The following EPHA6 variants were observed in gnomAD, a reference collection of about 807,000 sequenced individuals.
EPHA6 encodes the protein EPH receptor A6.
Under a neutral mutation model 112.0 loss-of-function variants are expected in EPHA6, and 50 were observed. That is an observed-to-expected ratio of 0.45 (90% confidence interval 0.36 to 0.56). EPHA6 has a LOEUF of 0.56. Among genes scored for constraint, EPHA6 ranks in the 20% least tolerant of loss-of-function variants. EPHA6 has a pLI of 0.00. For missense variants in EPHA6, 1,280 were observed against 1,417.4 expected (o/e 0.90, Z 1.56); for synonymous variants, 529 against 490.7 (o/e 1.08, Z -1.03).
intron 3 of EPHA6, among the ~76,000 whole-genome samples, chr3:97,044,743 G>A (rs146842714): frequency 2.0e-4 from 31 of 152,082 alleles, no homozygotes; most frequent in African/African-American, 7.0e-4. Flanking sequence ...ATTTGTATGC[G>A]GGACACCGAC....
intron 6 of EPHA6, among the ~76,000 whole-genome samples, chr3:97,425,452 C>A (rs932084418): frequency 1.3e-5 from 2 of 152,222 alleles, no homozygotes; most frequent in African/African-American, 2.4e-5. Flanking sequence ...AGCCACAACC[C>A]GAGCTTGTAC....
At chr3:97,613,397 A>C (rs9842981) in intron 13 of EPHA6, among the ~76,000 whole-genome samples, 47,949 of 152,022 alleles carry the variant, frequency 0.32, 10,940 homozygotes, top group African/African-American at 0.6. Flanking sequence ...TTCTGTGCTT[A>C]CTGGAAGCAG....
intron 14 of EPHA6, among the ~76,000 whole-genome samples, chr3:97,718,205 G>A (rs373136406): frequency 3.9e-5 from 6 of 152,202 alleles, no homozygotes; most frequent in African/African-American, 1.4e-4. Context: ...CCACAAGACT[G>A]AGGCACTTTA....
At chr3:97,614,505 T>A (rs1420996935) in intron 13 of EPHA6, among the ~76,000 whole-genome samples, 1 of 115,276 alleles carries the variant, frequency 8.7e-6, no homozygotes, top group African/African-American at 4.5e-5. Context: ...CAGCTAATTT[T>A]TTTTTTTTTT....
At chr3:97,572,504 C>A (rs559392256) in intron 11 of EPHA6, among the ~76,000 whole-genome samples, 1 of 152,046 alleles carries the variant, frequency 6.6e-6, no homozygotes, top group East Asian at 1.9e-4. Flanking sequence ...TTGTTTTATG[C>A]TGATATTTTA....
chr3:96,869,647 ATC>A (rs2036523752), intron 2 of EPHA6, among the ~76,000 whole-genome samples: 1 of 152,058 alleles, frequency 6.6e-6, no homozygotes, highest in Non-Finnish European at 1.5e-5. Context: ...GATAGTGCAT[ATC>A]TCTGCATCAG....
At position 97,758,825 on chromosome 3, in the gene EPHA6, A is replaced by G. The variant is rs1289293674; in HGVS notation, c.*10124A>G. Among the ~76,000 whole-genome samples, 2 of 151,854 alleles carry G rather than the reference A, an allele frequency of 1.3e-5. No homozygotes were observed. Among genetic ancestry groups the G allele is most frequent in the African/African-American group, 4.8e-5 (2 of 41,386 alleles). On this transcript the variant is annotated 3_prime_UTR_variant, in exon 18 of 18. Coordinates refer to ENST00000389672, the MANE Select transcript of EPHA6 (RefSeq NM_001080448.3). ...TGAATGAAATTACAAGCAGAGGGGG[A>G]TAGTTAATGAATGAAAATTTGGAGT...
intron 7 of EPHA6, among the ~76,000 whole-genome samples, chr3:97,450,459 G>T (rs573011086): frequency 2.0e-5 from 3 of 152,120 alleles, no homozygotes; most frequent in African/African-American, 7.2e-5. Flanking sequence ...GCATTTTTAA[G>T]TGAGAAATGC....
intron 11 of EPHA6, among the ~76,000 whole-genome samples, chr3:97,588,206 T>A (rs914674698): frequency 2.3e-4 from 35 of 152,114 alleles, no homozygotes; most frequent in African/African-American, 8.0e-4. Flanking sequence ...TCTGTTGGTA[T>A]ACCCCCCTGC....
chr3:97,385,929 C>T (rs2086039062), intron 5 of EPHA6, among the ~76,000 whole-genome samples: 1 of 152,134 alleles, frequency 6.6e-6, no homozygotes, highest in Non-Finnish European at 1.5e-5. Context: ...CCAATCACCT[C>T]CTACCAGGCC....
chr3:97,044,856 T>G (rs893840061), intron 3 of EPHA6, among the ~76,000 whole-genome samples: 12 of 152,060 alleles, frequency 7.9e-5, no homozygotes, highest in African/African-American at 2.9e-4. Context: ...AAAAACTTGG[T>G]CACCAACTTT....
At chr3:97,678,473 T>TA (rs2107675841) in intron 14 of EPHA6, among the ~76,000 whole-genome samples, 1 of 152,232 alleles carries the variant, frequency 6.6e-6, no homozygotes, top group Admixed American at 6.5e-5. Flanking sequence ...AGAGCAGGGA[T>TA]AAAGGGCCAA....
intron 11 of EPHA6, among the ~76,000 whole-genome samples, chr3:97,557,049 GC>G (rs1276659660): frequency 6.6e-6 from 1 of 151,808 alleles, no homozygotes; most frequent in Non-Finnish European, 1.5e-5. Flanking sequence ...TTGAAACTAT[GC>G]TATAATTTAT....
At position 97,320,821 on chromosome 3, in the gene EPHA6, AATAAAAAAAAT is replaced by A. The variant is rs1256954080; in HGVS notation, c.1606+76536_1606+76546del. Among the ~76,000 whole-genome samples, 369 of 141,436 alleles carry A rather than the reference AATAAAAAAAAT, an allele frequency of 2.6e-3. 14 individuals carry two copies. Among genetic ancestry groups the A allele is most frequent in the African/African-American group, 0.01 (351 of 33,612 alleles). 92.8% of individuals were successfully genotyped at this position (141,436 alleles called of 152,430 possible). On this transcript the variant is annotated intron_variant, in intron 5 of 17. Transcript: ENST00000389672. ...CGTTCTGTGTTCTCTGGGGGCAAAAAATAAAAAAAATAAAAAAAAAGGGATGAATTTAATTA... is the reference window on the plus strand; with the variant it reads ...CGTTCTGTGTTCTCTGGGGGCAAAAAAAAAAAAAAGGGATGAATTTAATTA...
chr3:97,627,464 A>C (rs1326314273), intron 13 of EPHA6, among the ~76,000 whole-genome samples: 1 of 151,976 alleles, frequency 6.6e-6, no homozygotes, highest in Admixed American at 6.6e-5. Context: ...AATAAAGTGG[A>C]TACCTGAGAG....
At chr3:97,511,741 A>G (rs1414088813) in intron 10 of EPHA6, among the ~76,000 whole-genome samples, 1 of 152,232 alleles carries the variant, frequency 6.6e-6, no homozygotes, top group East Asian at 1.9e-4. Flanking sequence ...ATAGTAATGA[A>G]CAATAAGCAC....
intron 12 of EPHA6, among the ~76,000 whole-genome samples, chr3:97,610,256 CT>C (rs1351041132): frequency 2.0e-5 from 3 of 151,534 alleles, no homozygotes; most frequent in Non-Finnish European, 4.4e-5. Flanking sequence ...TAAAATTTTT[CT>C]GCTTAAAGGC....
chr3:97,527,754 T>C (rs1424186042), intron 10 of EPHA6, among the ~76,000 whole-genome samples: 3 of 152,150 alleles, frequency 2.0e-5, no homozygotes, highest in East Asian at 1.9e-4. Context: ...TACTCGTCGA[T>C]ACTCAGGAGG....
intron 10 of EPHA6, among the ~76,000 whole-genome samples, chr3:97,525,383 C>A (rs2092604268): frequency 6.6e-6 from 1 of 152,130 alleles, no homozygotes; most frequent in African/African-American, 2.4e-5. Context: ...TCATTTCATT[C>A]ATGCATTGTT....
Sources: gnomAD v4.1 joint callset for allele counts (sites outside exome capture counted in the v4.1 genomes callset) on GRCh38, gnomAD v4.1.1 for gene constraint, MANE v1.5 for transcripts, NCBI Gene and HGNC (gene_info 2026-07-23, HGNC 2026-07-21) for gene names.